Variants in FCHSD2 observed in about 807,000 individuals in gnomAD.
FCHSD2 encodes the protein FCH and double SH3 domains 2.
FCHSD2 carries 38 observed loss-of-function variants against 108.1 expected under a neutral mutation model. The ratio of observed to expected loss-of-function variants is 0.35; its 90% confidence interval spans 0.27 to 0.46. The LOEUF (loss-of-function observed/expected upper bound fraction) is 0.46, where lower values mean the gene tolerates loss of function less well. Ranked by LOEUF, FCHSD2 falls within the 20% of genes least tolerant of loss-of-function variation. FCHSD2 has a pLI of 1.00. For synonymous variants in FCHSD2, 279 were observed against 314.7 expected (o/e 0.89, Z 1.20); for missense variants, 751 against 897.8 (o/e 0.84, Z 2.09).
At chr11:72,996,776 G>A (rs946077590) in intron 5 of FCHSD2, among the ~76,000 whole-genome samples, 2 of 152,084 alleles carry the variant, frequency 1.3e-5, no homozygotes, top group African/African-American at 4.8e-5. Flanking sequence ...TGTAAAAGTT[G>A]AACAAAATAC....
intron 3 of FCHSD2, among the ~76,000 whole-genome samples, chr11:73,055,449 CAGG>C (rs1199967277): frequency 5.9e-5 from 9 of 152,160 alleles, no homozygotes; most frequent in African/African-American, 1.7e-4. Context: ...AGCTCTTTAT[CAGG>C]AGAAGTATAC....
At chr11:73,037,965 A>G (rs897584621) in intron 3 of FCHSD2, among the ~76,000 whole-genome samples, 2 of 152,226 alleles carry the variant, frequency 1.3e-5, no homozygotes, top group African/African-American at 4.8e-5. Context: ...TTTATATGAA[A>G]TATGTGAAAC....
intron 8 of FCHSD2, chr11:72,940,683 T>C: frequency 3.5e-6 from 4 of 1,148,384 alleles, no homozygotes; most frequent in East Asian, 2.3e-5. Context: ...ACATTATATA[T>C]AGGATTCATG....
intron 3 of FCHSD2, among the ~76,000 whole-genome samples, chr11:73,062,260 G>A (rs1451979071): frequency 6.6e-6 from 1 of 151,588 alleles, no homozygotes; most frequent in African/African-American, 2.4e-5. Context: ...AATAGCATGT[G>A]CACTCAAACA....
intron 8 of FCHSD2, among the ~76,000 whole-genome samples, chr11:72,957,343 T>C (rs1406896070): frequency 3.3e-5 from 5 of 151,178 alleles, no homozygotes; most frequent in South Asian, 4.2e-4. Flanking sequence ...TTCATCCATG[T>C]CCCTATAAAG....
intron 9 of FCHSD2, among the ~76,000 whole-genome samples, chr11:72,913,024 G>A (rs549592705): frequency 9.2e-5 from 14 of 152,268 alleles, no homozygotes; most frequent in African/African-American, 3.1e-4. Flanking sequence ...AAGCAGCTTT[G>A]TCTTACGTGG....
At position 72,902,622 on chromosome 11, in the gene FCHSD2, T is replaced by C. The variant is rs765605002; in HGVS notation, c.845A>G (p.Asn282Ser). The C allele has an allele frequency of 3.8e-6, 6 of 1,573,596 alleles. No homozygotes were observed. The highest frequency in any genetic ancestry group is 1.9e-5 in the Admixed American group (1 of 53,786). The change falls in exon 10 of 20, where the codon AAT becomes AGT. Residue 282 changes from asparagine (N) to serine (S), a missense_variant. Transcript: ENST00000409418. ...GTTTTCTTGCAAAAACAGCTGAAGA[T>C]TGTAGTCCCGGACCACCTAAAGAGA... ...ENSSKVVRDY[N>S]LQLFLQENAV...
intron 6 of FCHSD2, among the ~76,000 whole-genome samples, chr11:72,987,418 T>C (rs1212878630): frequency 6.6e-6 from 1 of 152,220 alleles, no homozygotes; most frequent in Non-Finnish European, 1.5e-5. Context: ...TTTAGGCACT[T>C]GATTTCTTTG....
intron 2 of FCHSD2, among the ~76,000 whole-genome samples, chr11:73,094,490 T>C (rs1181209330): frequency 6.6e-6 from 1 of 152,196 alleles, no homozygotes; most frequent in Non-Finnish European, 1.5e-5. Context: ...TAGTCATAAA[T>C]AGCCAAAAAC....
At chr11:73,002,651 G>T (rs1363789558) in intron 4 of FCHSD2, among the ~76,000 whole-genome samples, 1 of 151,942 alleles carries the variant, frequency 6.6e-6, no homozygotes, top group Non-Finnish European at 1.5e-5. Flanking sequence ...AGAGAGGAAG[G>T]GAGATACCCT....
At chr11:72,940,965 T>C (rs1856404906) in intron 8 of FCHSD2, 3 of 758,062 alleles carry the variant, frequency 4.0e-6, no homozygotes, top group Admixed American at 3.4e-5. Flanking sequence ...AAGCAGTCTA[T>C]AAGCACAGGG....
chr11:73,062,801 T>G (rs1221464071), intron 3 of FCHSD2, among the ~76,000 whole-genome samples: 1 of 152,124 alleles, frequency 6.6e-6, no homozygotes, highest in African/African-American at 2.4e-5. Context: ...AAAGACCAAA[T>G]CTACATCTGA....
At chr11:72,877,875 A>G (rs937901653) in intron 12 of FCHSD2, among the ~76,000 whole-genome samples, 1 of 152,124 alleles carries the variant, frequency 6.6e-6, no homozygotes, top group African/African-American at 2.4e-5. Flanking sequence ...GTATGGTGGC[A>G]CATGTCTGTA....
Position 72,840,919 on chromosome 11 carries a change from T to A in FCHSD2, c.2097A>T (p.Ala699=). ...ATGAGGTCTCAGGAGTATGCCTTGA[T>A]GCCTGTGAGAATCCTGGTGACTCAG... ...LHAESPGFSQ[A]SRHTPETSYG... Residue 699 remains alanine (A), a synonymous_variant, in exon 19 of 20, where the codon GCA becomes GCT. Coordinates refer to ENST00000409418, the MANE Select transcript of FCHSD2 (RefSeq NM_014824.3). 1 of 1,613,460 alleles carries A rather than the reference T, an allele frequency of 6.2e-7. No homozygotes were observed. The highest frequency in any genetic ancestry group is 8.5e-7 in the Non-Finnish European group (1 of 1,179,422).
At chr11:73,070,296 A>G (rs1240867521) in intron 3 of FCHSD2, among the ~76,000 whole-genome samples, 1 of 152,162 alleles carries the variant, frequency 6.6e-6, no homozygotes, top group East Asian at 1.9e-4. Flanking sequence ...TTCATCTCAT[A>G]CCACTCTGTT....
At chr11:73,010,239 AT>A (rs1283713388) in intron 4 of FCHSD2, among the ~76,000 whole-genome samples, 1 of 152,028 alleles carries the variant, frequency 6.6e-6, no homozygotes, top group Non-Finnish European at 1.5e-5. Context: ...CCATTACAGA[AT>A]TTCTGTTTGG....
chr11:72,928,430 T>C (rs1433584283), intron 8 of FCHSD2, among the ~76,000 whole-genome samples: 1 of 152,198 alleles, frequency 6.6e-6, no homozygotes, highest in Non-Finnish European at 1.5e-5. Flanking sequence ...TTTTGGAAAA[T>C]GACATTCACT....
intron 8 of FCHSD2, among the ~76,000 whole-genome samples, chr11:72,978,858 T>TC (rs944077538): frequency 2.8e-5 from 4 of 145,180 alleles, no homozygotes; most frequent in Admixed American, 1.4e-4. Flanking sequence ...CTCTTTCTTT[T>TC]TTTTTTTTTT....
chr11:72,957,852 G>C (rs1026196380), intron 8 of FCHSD2, among the ~76,000 whole-genome samples: 1 of 151,892 alleles, frequency 6.6e-6, no homozygotes, highest in Non-Finnish European at 1.5e-5. Context: ...GTGAGGGAGA[G>C]GGAACAAACA....
Sources: allele counts gnomAD v4.1 joint callset (sites outside exome capture counted in the v4.1 genomes callset), GRCh38; gene constraint gnomAD v4.1.1; transcripts MANE v1.5; gene names NCBI Gene and HGNC (gene_info 2026-07-23, HGNC 2026-07-21).